SCARB1: variants seen among roughly 807,000 people sequenced by gnomAD.
SCARB1 encodes CD36 and LIMPII analogous 1.
In SCARB1, 30 loss-of-function variants were observed where a neutral mutation model predicts 57.2. That is an observed-to-expected ratio of 0.52 (90% CI 0.39 to 0.71). The LOEUF (loss-of-function observed/expected upper bound fraction) is 0.71. SCARB1 is among the 30% of genes least tolerant of loss of function. The probability of loss-of-function intolerance (pLI) is 0.00; values close to 1 mark genes in which losing one functional copy is unlikely to be tolerated. For synonymous variants in SCARB1, 249 were observed against 268.3 expected, an observed-to-expected ratio of 0.93 and a Z score of 0.70; for missense variants, 543 against 671.2, an observed-to-expected ratio of 0.81 and a Z score of 2.11.
At chr12:124,808,908 A>T (rs1950418785) in intron 6 of SCARB1, among the ~76,000 whole-genome samples, 1 of 152,204 alleles carries the variant, frequency 6.6e-6, no homozygotes, top group Non-Finnish European at 1.5e-5. Flanking sequence ...AATAAAATAC[A>T]TTATTAAAAA....
chr12:124,828,047 A>G (rs79988981), intron 1 of SCARB1, among the ~76,000 whole-genome samples: 4 of 152,272 alleles, frequency 2.6e-5, no homozygotes, highest in African/African-American at 9.6e-5. Flanking sequence ...AAACCATATA[A>G]TCAACGTGGA....
chr12:124,801,955 AG>A (rs1239251657), intron 7 of SCARB1, among the ~76,000 whole-genome samples: 2 of 152,070 alleles, frequency 1.3e-5, no homozygotes, highest in African/African-American at 4.8e-5. Flanking sequence ...GTTCACGACC[AG>A]CCTGACCGAT....
chr12:124,786,894 T>C (rs944920129), intron 10 of SCARB1, among the ~76,000 whole-genome samples: 2 of 152,156 alleles, frequency 1.3e-5, no homozygotes. Flanking sequence ...GATTCGGCTG[T>C]GAGTAGGAAG....
rs1949895646 is a variant in SCARB1 at position 124,795,068 on chromosome 12, A to T, written c.1202+127T>A. On this transcript the variant is annotated intron_variant, in intron 9 of 12. Transcript: ENST00000261693. Reference sequence around the variant, plus strand: ...TCAGCAGGGACTGGATTCCACCCCCAATAGGACCCTCTCCCCTCCCCATGC... The same window carrying T: ...TCAGCAGGGACTGGATTCCACCCCCTATAGGACCCTCTCCCCTCCCCATGC... 9.6e-6 allele frequency: 8 copies of T among 829,370 alleles called. No individual in the cohort carries two copies. In the South Asian group the frequency reaches 1.1e-4, roughly 11 times the overall value. The allele number at this position is 829,370 out of a possible 1,614,324, so 51.4% of individuals were successfully genotyped here.
chr12:124,811,072 C>T (rs923748439), intron 5 of SCARB1, among the ~76,000 whole-genome samples: 40 of 152,126 alleles, frequency 2.6e-4, no homozygotes, highest in Non-Finnish European at 2.1e-4. Flanking sequence ...AAACAATGCA[C>T]GTAGTATGAT....
intron 1 of SCARB1, among the ~76,000 whole-genome samples, chr12:124,834,959 G>A (rs1287556249): frequency 6.6e-6 from 1 of 152,092 alleles, no homozygotes; most frequent in Non-Finnish European, 1.5e-5. Flanking sequence ...CATCACTTGG[G>A]AACTCGATAA....
intron 1 of SCARB1, among the ~76,000 whole-genome samples, chr12:124,846,249 GA>G (rs1952145456): frequency 6.6e-6 from 1 of 152,190 alleles, no homozygotes; most frequent in African/African-American, 2.4e-5. Context: ...ATTATTAAAT[GA>G]AAAACAAATG....
chr12:124,793,227 G>A (rs1037451593), intron 9 of SCARB1, among the ~76,000 whole-genome samples: 6 of 152,168 alleles, frequency 3.9e-5, no homozygotes, highest in Non-Finnish European at 7.3e-5. Flanking sequence ...GCAACCCAGG[G>A]ATTTTTCTAA....
intron 1 of SCARB1, among the ~76,000 whole-genome samples, chr12:124,818,381 C>T (rs1021654141): frequency 4.6e-5 from 7 of 152,122 alleles, no homozygotes; most frequent in Admixed American, 1.3e-4. Flanking sequence ...TTTGGGAGGC[C>T]GAGGTAGGAG....
At chr12:124,837,568 GA>G (rs370846714) in intron 1 of SCARB1, among the ~76,000 whole-genome samples, 34,124 of 76,548 alleles carry the variant, frequency 0.45, 6,194 homozygotes, top group African/African-American at 0.51. Flanking sequence ...GAAAAGAAAA[GA>G]AAAGAAAAGA....
Position 124,782,751 on chromosome 12 carries a change from G to A in SCARB1, c.1462C>T (p.Gln488Ter), listed in dbSNP as rs1262416444. ...KKGSKDKEAIQAYSESLMTSA... is the reference protein window; with the variant it reads ...KKGSKDKEAI ...GTCATCAGGGATTCAGAATAGGCCTGAATGGCCTCCTTATCCTTTGAGCCC... is the reference window on the plus strand; with the variant it reads ...GTCATCAGGGATTCAGAATAGGCCTAAATGGCCTCCTTATCCTTTGAGCCC... Residue 488 changes from glutamine to a stop codon, truncating the protein, a stop_gained, in exon 12 of 13, where the codon CAG (glutamine) becomes TAG (stop). Transcript: ENST00000261693. LOFTEE classifies it high-confidence loss of function. 1 of 1,612,278 alleles carries A rather than the reference G, an allele frequency of 6.2e-7. No individual in the cohort carries two copies. Among genetic ancestry groups the A allele is most frequent in the Middle Eastern group, 1.7e-4 (1 of 6,060 alleles).
At chr12:124,863,279 C>T (rs1291490792) in intron 1 of SCARB1, among the ~76,000 whole-genome samples, 2 of 152,244 alleles carry the variant, frequency 1.3e-5, no homozygotes, top group Non-Finnish European at 2.9e-5. Flanking sequence ...ACTCCTGATC[C>T]GTCGTGGGCG....
intron 6 of SCARB1, among the ~76,000 whole-genome samples, chr12:124,809,931 T>C (rs916174256): frequency 7.9e-5 from 12 of 152,114 alleles, no homozygotes; most frequent in African/African-American, 2.4e-5. Context: ...TGCCCCCTCC[T>C]CCCAGCCCAG....
At chr12:124,791,055 C>A (rs544863268) in intron 9 of SCARB1, among the ~76,000 whole-genome samples, 1 of 152,176 alleles carries the variant, frequency 6.6e-6, no homozygotes, top group Non-Finnish European at 1.5e-5. Context: ...ACATGACCAG[C>A]CCCTAGTAAA....
intron 10 of SCARB1, 62 bp downstream of exon 10, chr12:124,787,343 GC>G: frequency 6.7e-7 from 1 of 1,503,368 alleles, no homozygotes; most frequent in South Asian, 1.2e-5. Flanking sequence ...CCCGCCTCCT[GC>G]CTCAAATGCC....
chr12:124,791,093 G>A (rs1454783363), intron 9 of SCARB1, among the ~76,000 whole-genome samples: 1 of 152,206 alleles, frequency 6.6e-6, no homozygotes, highest in Non-Finnish European at 1.5e-5. Flanking sequence ...CTCTCTAGCG[G>A]GCTTCCCTGC....
intron 1 of SCARB1, among the ~76,000 whole-genome samples, chr12:124,827,194 C>A (rs979322066): frequency 6.6e-6 from 1 of 152,066 alleles, no homozygotes; most frequent in Non-Finnish European, 1.5e-5. Flanking sequence ...GGCAGACTCG[C>A]GTCTTAAGAG....
intron 1 of SCARB1, among the ~76,000 whole-genome samples, chr12:124,853,813 G>A (rs965574223): frequency 3.3e-5 from 5 of 152,170 alleles, no homozygotes; most frequent in Non-Finnish European, 7.3e-5. Context: ...GGGAAACAAC[G>A]GTGGCAGCTC....
At chr12:124,790,163 C>T (rs1949676427) in intron 9 of SCARB1, among the ~76,000 whole-genome samples, 1 of 151,772 alleles carries the variant, frequency 6.6e-6, no homozygotes, top group Non-Finnish European at 1.5e-5. Context: ...TCACTTGCAC[C>T]CTGGAGTTCA....
Sources: gnomAD v4.1 joint callset for allele counts (sites outside exome capture counted in the v4.1 genomes callset) on GRCh38, gnomAD v4.1.1 for gene constraint, MANE v1.5 for transcripts, NCBI Gene and HGNC (gene_info 2026-07-23, HGNC 2026-07-21) for gene names.